TTBK2: variants seen among roughly 807,000 people sequenced by gnomAD.
TTBK2 encodes the protein tau tubulin kinase 2.
In TTBK2, 28 loss-of-function variants were observed where a neutral mutation model predicts 110.8. The observed-to-expected ratio is 0.25, with a 90% confidence interval of 0.19 to 0.35. The LOEUF is 0.35. TTBK2 is among the 10% of genes least tolerant of loss of function. The pLI is 1.00. For synonymous variants in TTBK2, 532 were observed against 527.3 expected, an observed-to-expected ratio of 1.01 and a Z score of -0.12; for missense variants, 1,369 against 1,500.3, an observed-to-expected ratio of 0.91 and a Z score of 1.45.
chr15:42,780,252 C>T lies in TTBK2; in HGVS notation c.1198-3010G>A, dbSNP rs1041455442. Among the ~76,000 whole-genome samples, 7 of 141,362 alleles carry T rather than the reference C, an allele frequency of 5.0e-5. No homozygotes were observed. The East Asian group carries it at 1.1e-3, about 21-fold the overall frequency. 92.7% of individuals were successfully genotyped at this position (141,362 alleles called of 152,430 possible). ...TTTGCCATGTTGCCCAGACTGGTCT[C>T]GAACTCCTGGGCTCTAGTGTTCCTC... On this transcript the variant is annotated intron_variant, in intron 11 of 14. Coordinates refer to ENST00000267890, the MANE Select transcript of TTBK2 (RefSeq NM_173500.4).
intron 2 of TTBK2, among the ~76,000 whole-genome samples, chr15:42,877,872 C>T (rs1477219561): frequency 6.6e-6 from 1 of 151,896 alleles, no homozygotes; most frequent in African/African-American, 2.4e-5. Flanking sequence ...AGAAGAAATG[C>T]TAAGGTTAAA....
At chr15:42,781,960 ATATAG>A (rs979398421) in intron 11 of TTBK2, among the ~76,000 whole-genome samples, 3 of 152,244 alleles carry the variant, frequency 2.0e-5, no homozygotes, top group East Asian at 1.9e-4. Flanking sequence ...AATCTTTTAT[ATATAG>A]TATAAGTAGA....
At chr15:42,790,729 T>C (rs1890628187) in intron 10 of TTBK2, among the ~76,000 whole-genome samples, 1 of 152,036 alleles carries the variant, frequency 6.6e-6, no homozygotes. Flanking sequence ...TGACGGAGTC[T>C]CACGTTGTTG....
At chr15:42,798,721 C>T (rs185313597) in intron 9 of TTBK2, among the ~76,000 whole-genome samples, 1 of 152,274 alleles carries the variant, frequency 6.6e-6, no homozygotes, top group East Asian at 1.9e-4. Context: ...GAGAAATATG[C>T]TTATACTTGG....
intron 6 of TTBK2, among the ~76,000 whole-genome samples, chr15:42,821,606 C>T (rs1424241615): frequency 6.6e-6 from 1 of 152,104 alleles, no homozygotes; most frequent in Non-Finnish European, 1.5e-5. Context: ...TGTCCCTTGT[C>T]AGCACTTAGC....
intron 3 of TTBK2, among the ~76,000 whole-genome samples, chr15:42,847,754 T>C (rs1893526756): frequency 6.6e-6 from 1 of 152,278 alleles, no homozygotes; most frequent in African/African-American, 2.4e-5. Context: ...CCAAAATCTC[T>C]ATTTTATTCC....
chr15:42,769,623 G>A (rs565594771), intron 13 of TTBK2, among the ~76,000 whole-genome samples: 7 of 152,196 alleles, frequency 4.6e-5, no homozygotes, highest in Non-Finnish European at 8.8e-5. Flanking sequence ...GTGCTGGAGA[G>A]GATGTGGAGA....
At chr15:42,792,030 G>A (rs952478579) in intron 10 of TTBK2, among the ~76,000 whole-genome samples, 2 of 152,080 alleles carry the variant, frequency 1.3e-5, no homozygotes, top group African/African-American at 4.8e-5. Context: ...CCAGCTACTC[G>A]GAAGGCTGAG....
intron 3 of TTBK2, among the ~76,000 whole-genome samples, chr15:42,846,974 C>T (rs533420132): frequency 6.6e-6 from 1 of 152,324 alleles, no homozygotes; most frequent in African/African-American, 2.4e-5. Context: ...ACTTATCCAT[C>T]TCTTCATCCA....
In TTBK2 at chr15:42,777,190, G is replaced by A. The variant is rs1889966052; in HGVS notation, c.1250C>T (p.Ala417Val). 1 of 1,614,152 alleles carries A rather than the reference G, an allele frequency of 6.2e-7. No individual in the cohort carries two copies. Among genetic ancestry groups the A allele is most frequent in the Non-Finnish European group, 8.5e-7 (1 of 1,180,034 alleles). Residue 417 changes from alanine (A) to valine (V), a missense_variant, in exon 12 of 15, where the codon GCT (alanine) becomes GTT (valine). Transcript: ENST00000267890. ...SHGQANGLLN[A>V]PSLGSPIRVR... is the part of the protein sequence containing the mutation. Reference sequence around the variant, plus strand: ...ACGAATTGGTGACCCAAGGCTTGGAGCATTGAGAAGACCATTTGCCTGGCC... The same window carrying A: ...ACGAATTGGTGACCCAAGGCTTGGAACATTGAGAAGACCATTTGCCTGGCC...
At chr15:42,835,677 G>C (rs1471252460) in intron 4 of TTBK2, among the ~76,000 whole-genome samples, 1 of 151,874 alleles carries the variant, frequency 6.6e-6, no homozygotes, top group African/African-American at 2.4e-5. Context: ...TGAAACTGAA[G>C]ATTGGTTTGA....
Position 42,742,472 on chromosome 15 carries a change from C to T in TTBK2, c.*3323G>A, listed in dbSNP as rs578167076. On this transcript the variant is annotated 3_prime_UTR_variant, in exon 15 of 15. Coordinates refer to ENST00000267890, the MANE Select transcript of TTBK2 (RefSeq NM_173500.4). The stretch of plus-strand genomic sequence containing the variant: ...TATACACTAAAATTAAACGCCTCTA[C>T]GCTGTGCAAGAAATCACTATGTGTG... 187 of 152,304 alleles carry T rather than the reference C, an allele frequency of 1.2e-3. No homozygotes were observed. Among genetic ancestry groups the T allele is most frequent in the African/African-American group, 4.2e-3 (173 of 41,558 alleles). The allele number at this position is 152,304 out of a possible 1,614,324, so 9.4% of individuals were successfully genotyped here.
At chr15:42,893,440 G>A (rs1289283437) in intron 1 of TTBK2, among the ~76,000 whole-genome samples, 1 of 151,974 alleles carries the variant, frequency 6.6e-6, no homozygotes, top group Non-Finnish European at 1.5e-5. Context: ...AGGCTCCAAT[G>A]AGGTATGATC....
chr15:42,791,980 A>G (rs866974553), intron 10 of TTBK2, among the ~76,000 whole-genome samples: 1 of 152,114 alleles, frequency 6.6e-6, no homozygotes, highest in African/African-American at 2.4e-5. Flanking sequence ...CCTCTCTACT[A>G]AAAATACACA....
chr15:42,863,032 T>C (rs1012548643), intron 3 of TTBK2, among the ~76,000 whole-genome samples: 1 of 152,144 alleles, frequency 6.6e-6, no homozygotes, highest in African/African-American at 2.4e-5. Context: ...CTCTTACCAC[T>C]CCTACTCAAC....
chr15:42,808,838 G>A (rs372967353), intron 9 of TTBK2, among the ~76,000 whole-genome samples: 3 of 152,150 alleles, frequency 2.0e-5, no homozygotes, highest in African/African-American at 7.2e-5. Flanking sequence ...CTGACAGACC[G>A]AGACCCCGTC....
intron 1 of TTBK2, among the ~76,000 whole-genome samples, chr15:42,917,087 T>C (rs981729168): frequency 6.6e-6 from 1 of 152,156 alleles, no homozygotes; most frequent in South Asian, 2.1e-4. Flanking sequence ...GGAGGCACTA[T>C]TACATCCCAG....
intron 13 of TTBK2, among the ~76,000 whole-genome samples, chr15:42,760,057 TATC>T (rs1215127933): frequency 1.3e-5 from 2 of 151,904 alleles, no homozygotes; most frequent in African/African-American, 4.8e-5. Flanking sequence ...CAGAAATAGA[TATC>T]ATAAAAAAGA....
intron 10 of TTBK2, among the ~76,000 whole-genome samples, chr15:42,791,001 A>G (rs1890649348): frequency 6.6e-6 from 1 of 152,150 alleles, no homozygotes; most frequent in Admixed American, 6.5e-5. Flanking sequence ...CTCCCGCCTC[A>G]GCCTCCCGAG....
Sources: gnomAD v4.1 joint callset for allele counts (sites outside exome capture counted in the v4.1 genomes callset) on GRCh38, gnomAD v4.1.1 for gene constraint, MANE v1.5 for transcripts, NCBI Gene and HGNC (gene_info 2026-07-23, HGNC 2026-07-21) for gene names.